Variants in SGCD observed in about 807,000 individuals in gnomAD.
The protein encoded by SGCD is delta-sarcoglycan.
Under a neutral mutation model 36.6 loss-of-function variants are expected in SGCD, and 18 were observed. The ratio of observed to expected loss-of-function variants is 0.49; its 90% CI spans 0.34 to 0.73. The LOEUF is 0.73. Among genes scored for constraint, SGCD ranks in the 30% least tolerant of loss-of-function variants. SGCD has a pLI of 0.01. For missense variants in SGCD, 387 were observed against 346.7 expected (o/e 1.12, Z -0.92); for synonymous variants, 133 against 130.6 (o/e 1.02, Z -0.12).
intron 3 of SGCD, among the ~76,000 whole-genome samples, chr5:156,453,704 G>C (rs1754126374): frequency 6.6e-6 from 1 of 152,080 alleles, no homozygotes; most frequent in African/African-American, 2.4e-5. Context: ...GGCTCAAATG[G>C]CAATAGTGCC....
chr5:156,678,445 CA>C (rs1243085534), intron 7 of SGCD, among the ~76,000 whole-genome samples: 2 of 151,976 alleles, frequency 1.3e-5, no homozygotes, highest in Admixed American at 1.3e-4. Flanking sequence ...ACTACTGCAC[CA>C]AAAAAATCAT....
rs1040772887 is a variant in SGCD at position 156,285,804 on chromosome 5, A to G, written c.-43-43730A>G. Among the ~76,000 whole-genome samples the G allele has an allele frequency of 3.9e-5, 6 of 152,138 alleles. No individual in the cohort carries two copies. In the East Asian group the frequency reaches 7.7e-4, roughly 20 times the overall value. On this transcript the variant is annotated intron_variant, in intron 3 of 9. Transcript: ENST00000517913. Reference sequence around the variant, plus strand: ...CTAAAACACCAAAAGCAATGGCAACAAAAGCCAAAATTGACAAATGGGATC... The same window carrying G: ...CTAAAACACCAAAAGCAATGGCAACGAAAGCCAAAATTGACAAATGGGATC...
chr5:156,303,395 G>A (rs1581230704), intron 3 of SGCD, among the ~76,000 whole-genome samples: 1 of 151,966 alleles, frequency 6.6e-6, no homozygotes, highest in African/African-American at 2.4e-5. Flanking sequence ...TGTAACCAAG[G>A]GTGGTTCCAG....
chr5:156,135,838 T>C (rs1762442095), intron 3 of SGCD, among the ~76,000 whole-genome samples: 1 of 152,200 alleles, frequency 6.6e-6, no homozygotes, highest in Non-Finnish European at 1.5e-5. Flanking sequence ...TAAGAGACCA[T>C]TTTCAATATA....
chr5:156,470,492 C>G (rs979339824), intron 3 of SGCD, among the ~76,000 whole-genome samples: 35 of 152,182 alleles, frequency 2.3e-4, no homozygotes, highest in African/African-American at 7.5e-4. Context: ...ATCCCTCCCC[C>G]CTACCCCCAC....
intron 1 of SGCD, among the ~76,000 whole-genome samples, chr5:156,082,977 G>A (rs1364822788): frequency 6.6e-6 from 1 of 151,864 alleles, no homozygotes; most frequent in Non-Finnish European, 1.5e-5. Flanking sequence ...GTATGTAGTG[G>A]TATCTCATTG....
intron 1 of SGCD, among the ~76,000 whole-genome samples, chr5:156,001,565 T>C (rs1218744274): frequency 6.6e-6 from 1 of 152,230 alleles, no homozygotes; most frequent in Non-Finnish European, 1.5e-5. Flanking sequence ...ATTTAAATAA[T>C]ATTTTTGTTT....
At chr5:156,170,545 AGCAAGT>A (rs1490747230) in intron 3 of SGCD, among the ~76,000 whole-genome samples, 1 of 152,162 alleles carries the variant, frequency 6.6e-6, no homozygotes, top group Non-Finnish European at 1.5e-5. Context: ...TTGTCCAGGG[AGCAAGT>A]GCTTTTGTGA....
chr5:156,102,873 T>C (rs1761553656), intron 1 of SGCD, among the ~76,000 whole-genome samples: 1 of 152,216 alleles, frequency 6.6e-6, no homozygotes, highest in South Asian at 2.1e-4. Context: ...TATATAAATA[T>C]ACACATAACA....
intron 1 of SGCD, among the ~76,000 whole-genome samples, chr5:156,013,183 C>T (rs1333713608): frequency 6.6e-6 from 1 of 151,870 alleles, no homozygotes; most frequent in Non-Finnish European, 1.5e-5. Context: ...CGCCACCACA[C>T]CCGGCTAATT....
chr5:156,083,458 C>T (rs970123531), intron 1 of SGCD, among the ~76,000 whole-genome samples: 3 of 152,034 alleles, frequency 2.0e-5, no homozygotes, highest in Admixed American at 6.5e-5. Context: ...CCATGCCTGG[C>T]TAATTCTTGT....
chr5:155,826,786 C>T, the SGCD span, among the ~76,000 whole-genome samples: 1 of 152,134 alleles, frequency 6.6e-6, no homozygotes, highest in African/African-American at 2.4e-5. Flanking sequence ...CTTGCTGTTA[C>T]CATTCCTGGT....
chr5:156,492,119 A>G (rs1365690036), intron 3 of SGCD, among the ~76,000 whole-genome samples: 3 of 152,152 alleles, frequency 2.0e-5, no homozygotes, highest in Non-Finnish European at 2.9e-5. Context: ...GGATATAGAG[A>G]TTGTGTAACA....
At position 156,411,766 on chromosome 5, in the gene SGCD, A is replaced by G. The variant is rs1772770851; in HGVS notation, c.192+67089A>G. Among the ~76,000 whole-genome samples, 6 of 152,352 alleles carry G rather than the reference A, an allele frequency of 3.9e-5. No individual in the cohort carries two copies. The South Asian group carries it at 1.0e-3, about 26-fold the overall frequency. On this transcript the variant is annotated intron_variant, in intron 3 of 8. Transcript: ENST00000337851. ...GTCCCCCAAAGAGAACACTGCAGAA[A>G]TTATTGACACATACACCAAAAACTT...
At chr5:155,779,509 G>A in the SGCD span, among the ~76,000 whole-genome samples, 41,914 of 152,020 alleles carry the variant, frequency 0.28, 7,364 homozygotes, top group East Asian at 0.44. Flanking sequence ...CTAGTATGTT[G>A]TTTCCACACT....
At chr5:156,643,767 T>C (rs1387131723) in intron 6 of SGCD, among the ~76,000 whole-genome samples, 2 of 152,182 alleles carry the variant, frequency 1.3e-5, no homozygotes, top group Non-Finnish European at 1.5e-5. Flanking sequence ...TAATCTAATA[T>C]GGGTATAAAA....
chr5:156,110,670 A>C (rs2127599228), intron 1 of SGCD, among the ~76,000 whole-genome samples: 1 of 151,386 alleles, frequency 6.6e-6, no homozygotes, highest in Non-Finnish European at 1.5e-5. Flanking sequence ...AAAAAAAAAA[A>C]CTCTCTTTCC....
At chr5:156,098,654 AC>A (rs1761441761) in intron 1 of SGCD, among the ~76,000 whole-genome samples, 1 of 152,010 alleles carries the variant, frequency 6.6e-6, no homozygotes, top group African/African-American at 2.4e-5. Context: ...ACACACACAC[AC>A]ACACACACAT....
At chr5:155,744,001 A>G in the SGCD span, among the ~76,000 whole-genome samples, 1 of 152,200 alleles carries the variant, frequency 6.6e-6, no homozygotes, top group Admixed American at 6.5e-5. Flanking sequence ...TCTTTGGAGG[A>G]AAGCATTTCC....
Sources: gnomAD v4.1 joint callset for allele counts (sites outside exome capture counted in the v4.1 genomes callset) on GRCh38, gnomAD v4.1.1 for gene constraint, MANE v1.5 for transcripts, NCBI Gene and HGNC (gene_info 2026-07-23, HGNC 2026-07-21) for gene names.